Variants in NLGN4X observed in about 807,000 individuals in gnomAD.
NLGN4X encodes the protein neuroligin-4, X-linked.
NLGN4X carries 3 observed loss-of-function variants against 40.3 expected under a neutral mutation model. The ratio of observed to expected loss-of-function variants is 0.07; its 90% CI spans 0.03 to 0.19. The LOEUF (loss-of-function observed/expected upper bound fraction) is 0.19, where lower values mean the gene tolerates loss of function less well. NLGN4X is among the 10% of genes least tolerant of loss of function. The pLI, the probability that NLGN4X is intolerant of heterozygous loss-of-function variation, is 1.00. For synonymous variants in NLGN4X, 270 were observed against 306.8 expected, an observed-to-expected ratio of 0.88 and a Z score of 1.25; for missense variants, 382 against 708.3, an observed-to-expected ratio of 0.54 and a Z score of 5.23.
At chrX:5,896,768 A>G (rs913054922) in intron 5 of NLGN4X, among the ~76,000 whole-genome samples, 2 of 112,218 alleles carry the variant, frequency 1.8e-5, no homozygotes, top group African/African-American at 6.5e-5. Context: ...TACCCAAAAC[A>G]TTGTTCGCAG....
chrX:6,205,786 C>T (rs1399673551), intron 1 of NLGN4X, among the ~76,000 whole-genome samples: 2 of 112,111 alleles, frequency 1.8e-5, no homozygotes, highest in African/African-American at 6.5e-5. Context: ...TAGGATACTA[C>T]CTGACTTCTG....
intron 2 of NLGN4X, among the ~76,000 whole-genome samples, chrX:6,041,647 T>C (rs2037159880): frequency 8.9e-6 from 1 of 112,838 alleles, no homozygotes; most frequent in Admixed American, 9.4e-5. Flanking sequence ...TGTAATATGA[T>C]ATCTTGTTAA....
chrX:6,128,792 G>C (rs2147611547), intron 2 of NLGN4X, among the ~76,000 whole-genome samples: 1 of 111,932 alleles, frequency 8.9e-6, no homozygotes, highest in African/African-American at 3.2e-5. Flanking sequence ...TAGCAAACCT[G>C]CAAATCCGTG....
intron 2 of NLGN4X, among the ~76,000 whole-genome samples, chrX:6,039,053 C>G (rs755411951): frequency 2.7e-5 from 3 of 111,037 alleles, no homozygotes; most frequent in Non-Finnish European, 1.9e-5. Flanking sequence ...GCAAAAGGTT[C>G]CCAGTTCTAC....
At chrX:5,979,868 C>T in intron 3 of NLGN4X, among the ~76,000 whole-genome samples, 1 of 104,384 alleles carries the variant, frequency 9.6e-6, no homozygotes, top group Non-Finnish European at 1.9e-5. Flanking sequence ...AAATTATATA[C>T]TATATTGACA....
At chrX:6,187,025 T>G (rs1211033428) in intron 1 of NLGN4X, 1 of 109,316 alleles carries the variant, frequency 9.1e-6, no homozygotes, top group African/African-American at 3.3e-5. Context: ...AAGCTCCGCC[T>G]CCCGGGTTCA....
At chrX:6,087,882 A>C (rs1247549435) in intron 2 of NLGN4X, among the ~76,000 whole-genome samples, 3 of 112,375 alleles carry the variant, frequency 2.7e-5, no homozygotes, top group African/African-American at 9.7e-5. Flanking sequence ...ATGAGTTCTA[A>C]GCCTTTCTTT....
chrX:5,924,928 C>A (rs1330150844), intron 3 of NLGN4X, among the ~76,000 whole-genome samples: 1 of 110,059 alleles, frequency 9.1e-6, no homozygotes. Flanking sequence ...GTAATGGGTG[C>A]ACCAAAATCT....
intron 3 of NLGN4X, among the ~76,000 whole-genome samples, chrX:5,947,862 T>C (rs2034181087): frequency 1.8e-5 from 2 of 112,188 alleles, no homozygotes; most frequent in African/African-American, 6.5e-5. Flanking sequence ...AAAGAAGGCA[T>C]AGATGCCCTT....
At chrX:6,096,946 C>CGTGTGTGTGTGT (rs35895741) in intron 2 of NLGN4X, among the ~76,000 whole-genome samples, 9 of 100,589 alleles carry the variant, frequency 8.9e-5, no homozygotes, top group African/African-American at 3.3e-4. Flanking sequence ...ATTTTCATAT[C>CGTGTGTGTGTGT]GTGTGTGTGT....
chrX:6,026,541 G>T (rs2036698773), intron 3 of NLGN4X, among the ~76,000 whole-genome samples: 1 of 111,597 alleles, frequency 9.0e-6, no homozygotes, highest in Admixed American at 9.6e-5. Context: ...GTTTTCAAGA[G>T]GACAATAGTA....
chrX:6,217,981 T>C (rs1266360768), intron 1 of NLGN4X, among the ~76,000 whole-genome samples: 1 of 112,216 alleles, frequency 8.9e-6, no homozygotes, highest in Non-Finnish European at 1.9e-5. Context: ...CTAAATGTCT[T>C]GTCTACTTCT....
chrX:5,908,050 G>A (rs1308355814), intron 4 of NLGN4X, among the ~76,000 whole-genome samples: 1 of 85,896 alleles, frequency 1.2e-5, no homozygotes, highest in Non-Finnish European at 2.3e-5. Context: ...GTGAGGGGGA[G>A]AGAGAGAGGG....
At chrX:6,149,069 G>A (rs1416861077) in intron 2 of NLGN4X, among the ~76,000 whole-genome samples, 2 of 112,226 alleles carry the variant, frequency 1.8e-5, no homozygotes, top group Admixed American at 9.4e-5. Flanking sequence ...CTAAACAAGT[G>A]GAACTGGGTT....
intron 1 of NLGN4X, 86 bp from the exon 2 acceptor site, chrX:6,151,857 A>C (rs6639602): frequency 0.021 from 4,876 of 230,893 alleles, 198 homozygotes; most frequent in African/African-American, 0.12. Flanking sequence ...GAAATCCACA[A>C]CATCTCTCTA....
At chrX:5,983,262 T>C (rs1425597031) in intron 3 of NLGN4X, among the ~76,000 whole-genome samples, 1 of 112,014 alleles carries the variant, frequency 8.9e-6, no homozygotes, top group Non-Finnish European at 1.9e-5. Context: ...TGGAGAAAGA[T>C]GCCACTAATC....
At chrX:6,126,328 G>A (rs780122213) in intron 2 of NLGN4X, among the ~76,000 whole-genome samples, 36 of 111,234 alleles carry the variant, frequency 3.2e-4, no homozygotes, top group Non-Finnish European at 5.3e-4. Flanking sequence ...ATTCATCCTC[G>A]CACTGGACGT....
chrX:6,183,757 G>A (rs758207355), intron 1 of NLGN4X, among the ~76,000 whole-genome samples: 44 of 111,240 alleles, frequency 4.0e-4, no homozygotes, highest in Middle Eastern at 9.3e-3. Context: ...CAACTCATGT[G>A]GTACTATTTT....
chrX:6,026,714 C>A (rs1243404287), intron 3 of NLGN4X, among the ~76,000 whole-genome samples: 1 of 111,617 alleles, frequency 9.0e-6, no homozygotes, highest in Non-Finnish European at 1.9e-5. Flanking sequence ...AATAGACCGG[C>A]ATAGAGATGC....
Sources: allele counts gnomAD v4.1 joint callset (sites outside exome capture counted in the v4.1 genomes callset), GRCh38; gene constraint gnomAD v4.1.1; transcripts MANE v1.5; gene names NCBI Gene and HGNC (gene_info 2026-07-23, HGNC 2026-07-21).